The following NR3C2 variants were observed in gnomAD, a reference collection of about 807,000 sequenced individuals.
NR3C2 encodes the protein nuclear receptor subfamily 3 group C member 2.
NR3C2 carries 15 observed loss-of-function variants against 86.4 expected under a neutral mutation model. The ratio of observed to expected loss-of-function variants is 0.17; its 90% CI spans 0.12 to 0.27. NR3C2 has a LOEUF of 0.27. Among genes scored for constraint, NR3C2 ranks in the 10% least tolerant of loss-of-function variants. The pLI, the probability that NR3C2 is intolerant of heterozygous loss-of-function variation, is 1.00. For synonymous variants in NR3C2, 458 were observed against 450.5 expected, an observed-to-expected ratio of 1.02 and a Z score of -0.21; for missense variants, 960 against 1,195.6, an observed-to-expected ratio of 0.80 and a Z score of 2.91.
At chr4:148,168,753 A>G (rs1426780817) in intron 4 of NR3C2, among the ~76,000 whole-genome samples, 1 of 152,180 alleles carries the variant, frequency 6.6e-6, no homozygotes, top group East Asian at 1.9e-4. Flanking sequence ...TTTACAAAAT[A>G]GTTTCTTCAG....
At chr4:148,090,702 T>G (rs2149709334) in intron 8 of NR3C2, among the ~76,000 whole-genome samples, 1 of 152,298 alleles carries the variant, frequency 6.6e-6, no homozygotes, top group Non-Finnish European at 1.5e-5. Flanking sequence ...AGGGCTTGGC[T>G]GTTTTTCCTC....
At chr4:148,266,333 C>A (rs943680581) in intron 2 of NR3C2, among the ~76,000 whole-genome samples, 2 of 152,030 alleles carry the variant, frequency 1.3e-5, no homozygotes, top group African/African-American at 4.8e-5. Flanking sequence ...GGCCTCCCAA[C>A]GTGTTGGGAT....
intron 2 of NR3C2, among the ~76,000 whole-genome samples, chr4:148,387,097 C>T (rs932544315): frequency 3.9e-5 from 6 of 152,312 alleles, no homozygotes; most frequent in South Asian, 2.1e-4. Context: ...GTGATATAAA[C>T]GGAAGTTACC....
At chr4:148,158,230 C>T (rs1451112184) in intron 4 of NR3C2, among the ~76,000 whole-genome samples, 1 of 152,130 alleles carries the variant, frequency 6.6e-6, no homozygotes, top group Admixed American at 6.6e-5. Flanking sequence ...AAATACTCAG[C>T]AAAGTGCCTC....
intron 8 of NR3C2, among the ~76,000 whole-genome samples, chr4:148,103,288 A>G (rs371693984): frequency 8.5e-5 from 13 of 152,106 alleles, no homozygotes; most frequent in East Asian, 5.8e-4. Context: ...TTAGGTGTCT[A>G]TATTCCCCAT....
chr4:148,283,419 G>T (rs570829548), intron 2 of NR3C2, among the ~76,000 whole-genome samples: 7 of 152,244 alleles, frequency 4.6e-5, no homozygotes, highest in African/African-American at 1.7e-4. Context: ...TTTTCATAAA[G>T]AACCTATTGA....
At chr4:148,440,049 G>A (rs1750261404) in intron 1 of NR3C2, among the ~76,000 whole-genome samples, 1 of 152,190 alleles carries the variant, frequency 6.6e-6, no homozygotes, top group Admixed American at 6.5e-5. Context: ...AGGCTTTGCT[G>A]AAATCTAAAT....
At chr4:148,399,332 TATC>T (rs1400858459) in intron 2 of NR3C2, among the ~76,000 whole-genome samples, 2 of 152,124 alleles carry the variant, frequency 1.3e-5, no homozygotes, top group Non-Finnish European at 2.9e-5. Context: ...TTTACTATAT[TATC>T]ATTCACATAC....
chr4:148,325,868 A>G (rs1040975660), intron 2 of NR3C2, among the ~76,000 whole-genome samples: 3 of 152,116 alleles, frequency 2.0e-5, no homozygotes, highest in African/African-American at 7.2e-5. Flanking sequence ...TTTTTCCATT[A>G]AGTAGGAGAT....
At chr4:148,104,438 T>C (rs1306360409) in intron 8 of NR3C2, among the ~76,000 whole-genome samples, 1 of 144,568 alleles carries the variant, frequency 6.9e-6, no homozygotes, top group Admixed American at 7.0e-5. Context: ...GACTATGGAA[T>C]AAATGATTCT....
intron 2 of NR3C2, among the ~76,000 whole-genome samples, chr4:148,286,030 G>A (rs985085412): frequency 6.6e-5 from 10 of 152,138 alleles, no homozygotes; most frequent in African/African-American, 2.2e-4. Context: ...TACATCATTT[G>A]TTTTGTAATT....
chr4:148,322,517 A>T (rs1163762402), intron 2 of NR3C2, among the ~76,000 whole-genome samples: 1 of 92,686 alleles, frequency 1.1e-5, no homozygotes, highest in Non-Finnish European at 2.0e-5. Context: ...CAGGTACACC[A>T]ATCAGACGTA....
intron 6 of NR3C2, among the ~76,000 whole-genome samples, chr4:148,142,832 C>A (rs190539120): frequency 1.7e-4 from 26 of 152,274 alleles, no homozygotes; most frequent in Non-Finnish European, 3.4e-4. Flanking sequence ...GGTTTAGCAC[C>A]ACCGCCTTGC....
intron 2 of NR3C2, among the ~76,000 whole-genome samples, chr4:148,411,529 A>T (rs1291646476): frequency 6.6e-6 from 1 of 152,232 alleles, no homozygotes; most frequent in African/African-American, 2.4e-5. Flanking sequence ...TTATATGCAC[A>T]CATAAACAAA....
chr4:148,321,373 T>G (rs945591891), intron 2 of NR3C2, among the ~76,000 whole-genome samples: 23 of 151,230 alleles, frequency 1.5e-4, no homozygotes. Flanking sequence ...GGGTGGAGAG[T>G]TCTGTAGATG....
intron 2 of NR3C2, among the ~76,000 whole-genome samples, chr4:148,338,385 A>C (rs1744594011): frequency 6.6e-6 from 1 of 152,224 alleles, no homozygotes; most frequent in African/African-American, 2.4e-5. Flanking sequence ...TGGGATTTTT[A>C]AAAATGTTAT....
chr4:148,418,509 G>A (rs1749117978), intron 2 of NR3C2, among the ~76,000 whole-genome samples: 1 of 152,002 alleles, frequency 6.6e-6, no homozygotes, highest in Admixed American at 6.6e-5. Flanking sequence ...AGAACTAGAA[G>A]AATTTCCTCT....
chr4:148,371,618 A>AG (rs1299452857), intron 2 of NR3C2, among the ~76,000 whole-genome samples: 1 of 140,984 alleles, frequency 7.1e-6, no homozygotes, highest in African/African-American at 2.7e-5. Flanking sequence ...TCACTAGAAG[A>AG]GAAAAAAAAA....
chr4:148,204,524 A>G (rs917263494), intron 3 of NR3C2, among the ~76,000 whole-genome samples: 4 of 152,194 alleles, frequency 2.6e-5, no homozygotes, highest in South Asian at 2.1e-4. Context: ...CATTTTGTCA[A>G]TTAAGACAAA....
Sources: gnomAD v4.1 joint callset for allele counts (sites outside exome capture counted in the v4.1 genomes callset) on GRCh38, gnomAD v4.1.1 for gene constraint, MANE v1.5 for transcripts, NCBI Gene and HGNC (gene_info 2026-07-23, HGNC 2026-07-21) for gene names.